The following BAIAP2L2 variants were observed in gnomAD, a reference collection of about 807,000 sequenced individuals.
BAIAP2L2 encodes the protein BAR/IMD domain containing adaptor protein 2 like 2, also known as BAR/IMD domain-containing adapter protein 2-like 2.
A neutral mutation model predicts 60.4 loss-of-function variants in BAIAP2L2; 65 were observed. The ratio of observed to expected loss-of-function variants is 1.08; its 90% CI spans 0.88 to 1.32. The LOEUF (loss-of-function observed/expected upper bound fraction) is 1.32. BAIAP2L2 is among the 40% of genes most tolerant of loss of function. BAIAP2L2 has a pLI of 0.00. For synonymous variants in BAIAP2L2, 344 were observed against 301.7 expected (o/e 1.14, Z -1.45); for missense variants, 836 against 741.2 (o/e 1.13, Z -1.48).
At chr22:38,102,903 C>T (rs904961922) in intron 4 of BAIAP2L2, among the ~76,000 whole-genome samples, 2 of 151,702 alleles carry the variant, frequency 1.3e-5, no homozygotes, top group African/African-American at 4.8e-5. Flanking sequence ...AAAATTAGCC[C>T]GGCATGGTGG....
chr22:38,097,792 G>A (rs566285489), intron 6 of BAIAP2L2, among the ~76,000 whole-genome samples: 2 of 152,268 alleles, frequency 1.3e-5, no homozygotes, highest in East Asian at 3.9e-4. Context: ...TAGGAGATGG[G>A]GGAGGTGGGA....
intron 4 of BAIAP2L2, among the ~76,000 whole-genome samples, chr22:38,107,228 G>A (rs1569231283): frequency 6.6e-6 from 1 of 152,148 alleles, no homozygotes; most frequent in Non-Finnish European, 1.5e-5. Context: ...CTTGCCCCAG[G>A]GAGTCAGAGG....
intron 10 of BAIAP2L2, among the ~76,000 whole-genome samples, chr22:38,087,654 C>A (rs2086135679): frequency 6.6e-6 from 1 of 152,074 alleles, no homozygotes; most frequent in Non-Finnish European, 1.5e-5. Context: ...TCTCTCTCCC[C>A]ACTGACCCCC....
At chr22:38,098,702 G>A (rs1034023256) in intron 4 of BAIAP2L2, among the ~76,000 whole-genome samples, 7 of 152,294 alleles carry the variant, frequency 4.6e-5, no homozygotes, top group Non-Finnish European at 7.3e-5. Flanking sequence ...GCCTGGAAAC[G>A]AACCCTTGAT....
intron 10 of BAIAP2L2, among the ~76,000 whole-genome samples, 168 bp from the exon 11 acceptor site, chr22:38,087,432 GATA>G (rs2086128000): frequency 6.6e-6 from 1 of 152,150 alleles, no homozygotes; most frequent in Non-Finnish European, 1.5e-5. Context: ...AGTGCCTACT[GATA>G]ATAACACACG....
intron 7 of BAIAP2L2, chr22:38,094,065 C>T: frequency 2.2e-6 from 1 of 453,326 alleles, no homozygotes; most frequent in South Asian, 1.6e-5. Flanking sequence ...AGAGCACACA[C>T]ATTGTATGAT....
At chr22:38,086,123 CTGAG>C (rs1276904178) in intron 12 of BAIAP2L2, 115 bp downstream of exon 12, 10 of 1,148,282 alleles carry the variant, frequency 8.7e-6, no homozygotes, top group African/African-American at 4.6e-5. Context: ...GAGGAACAGA[CTGAG>C]TGAGGCCAGG....
intron 6 of BAIAP2L2, 79 bp from the exon 7 acceptor site, chr22:38,097,257 T>G: frequency 6.5e-7 from 1 of 1,533,030 alleles, no homozygotes; most frequent in Non-Finnish European, 8.9e-7. Flanking sequence ...CGCCAGCTGT[T>G]CAAGCCCCCT....
At chr22:38,086,207 C>T (rs200078908) in intron 12 of BAIAP2L2, 35 bp downstream of exon 12, 1 of 1,594,906 alleles carries the variant, frequency 6.3e-7, no homozygotes, top group African/African-American at 1.3e-5. Flanking sequence ...TCCCTGCCCG[C>T]TGGAGGCCCC....
chr22:38,087,761 A>G (rs886507951), intron 10 of BAIAP2L2, among the ~76,000 whole-genome samples: 1 of 144,964 alleles, frequency 6.9e-6, no homozygotes, highest in African/African-American at 2.6e-5. Flanking sequence ...TCACCTGTCT[A>G]TACTCCATCC....
intron 1 of BAIAP2L2, 39 bp downstream of exon 1, chr22:38,110,436 G>C: frequency 3.1e-6 from 5 of 1,597,454 alleles, no homozygotes; most frequent in Non-Finnish European, 4.3e-6. Context: ...TGCCCTGGGA[G>C]GAGGGGCTCA....
intron 4 of BAIAP2L2, 36 bp downstream of exon 4, chr22:38,107,816 G>T: frequency 6.3e-7 from 1 of 1,598,228 alleles, no homozygotes; most frequent in South Asian, 1.1e-5. Flanking sequence ...CACTTTCCTC[G>T]AGTGACCCCT....
chr22:38,110,643 G>T lies in BAIAP2L2; in HGVS notation c.-118C>A. On this transcript the variant is annotated 5_prime_UTR_variant, in exon 1 of 14. Coordinates refer to ENST00000381669, the MANE Select transcript of BAIAP2L2 (RefSeq NM_025045.6). ...ACTCAGCTGGCAGCGAGGAAGCCTC[G>T]GAGAGGGACCTGGAGATGGAGGCCT... is the stretch of plus-strand genomic sequence containing the variant. 1 of 772,708 alleles carries T rather than the reference G, an allele frequency of 1.3e-6. No individual in the cohort carries two copies. 47.9% of individuals were successfully genotyped at this position (772,708 alleles called of 1,614,324 possible).
intron 8 of BAIAP2L2, 96 bp downstream of exon 8, chr22:38,089,426 G>T (rs542335454): frequency 1.5e-6 from 1 of 688,718 alleles, no homozygotes; most frequent in Non-Finnish European, 2.0e-6. Context: ...GCGGGAGCCT[G>T]GGGGGCAGGA....
intron 10 of BAIAP2L2, 63 bp from the exon 11 acceptor site, chr22:38,087,327 G>A (rs1196803307): frequency 6.4e-7 from 1 of 1,551,318 alleles, no homozygotes; most frequent in Non-Finnish European, 8.7e-7. Flanking sequence ...ATGACCAAAA[G>A]AAGACATCCT....
intron 7 of BAIAP2L2, among the ~76,000 whole-genome samples, chr22:38,092,698 A>G (rs886400397): frequency 6.6e-6 from 1 of 152,100 alleles, no homozygotes; most frequent in Non-Finnish European, 1.5e-5. Context: ...CTTGCTCCCT[A>G]TGTGATATGG....
chr22:38,087,876 C>T (rs2086145016), intron 10 of BAIAP2L2, among the ~76,000 whole-genome samples: 2 of 147,030 alleles, frequency 1.4e-5, no homozygotes, highest in African/African-American at 2.5e-5. Flanking sequence ...ATGTCCCTAA[C>T]CACCCAGTCA....
intron 4 of BAIAP2L2, among the ~76,000 whole-genome samples, chr22:38,104,214 A>T (rs2086618644): frequency 6.6e-6 from 1 of 152,202 alleles, no homozygotes; most frequent in Non-Finnish European, 1.5e-5. Context: ...TGCTTTGAAA[A>T]GGCATGGGAG....
rs762549099 is a variant in BAIAP2L2, at chr22:38,088,735, G to A, written c.1118+13C>T. 3.8e-6 allele frequency: 6 copies of A among 1,584,628 alleles called. No individual in the cohort carries two copies. In the Admixed American group the frequency reaches 1.0e-4, roughly 27 times the overall value. ...CTCAACCCACCCCCGGCCCCTCCAA[G>A]GCTCCCACTCACGCGGACGAGCCCT... On this transcript the variant is annotated intron_variant, in intron 10 of 13. Coordinates refer to ENST00000381669, the MANE Select transcript of BAIAP2L2 (RefSeq NM_025045.6).
Sources: gnomAD v4.1 joint callset for allele counts (sites outside exome capture counted in the v4.1 genomes callset) on GRCh38, gnomAD v4.1.1 for gene constraint, MANE v1.5 for transcripts, NCBI Gene and HGNC (gene_info 2026-07-23, HGNC 2026-07-21) for gene names.